CCNI: variants seen among roughly 807,000 people sequenced by gnomAD.
The protein encoded by CCNI is cyclin-I.
In CCNI, 14 loss-of-function variants were observed where a neutral mutation model predicts 34.1. The ratio of observed to expected loss-of-function variants is 0.41; its 90% CI spans 0.27 to 0.64. The LOEUF (loss-of-function observed/expected upper bound fraction) is 0.64. Among genes scored for constraint, CCNI ranks in the 30% least tolerant of loss-of-function variants. The pLI, the probability that CCNI is intolerant of heterozygous loss-of-function variation, is 0.31. For synonymous variants in CCNI, 154 were observed against 158.4 expected, an observed-to-expected ratio of 0.97 and a Z score of 0.21; for missense variants, 385 against 440.5, an observed-to-expected ratio of 0.87 and a Z score of 1.13.
intron 1 of CCNI, among the ~76,000 whole-genome samples, chr4:77,071,947 G>A (rs1729495502): frequency 6.6e-6 from 1 of 152,082 alleles, no homozygotes; most frequent in Admixed American, 6.5e-5. Flanking sequence ...GGCTTCACTG[G>A]TTAATTCTAC....
intron 2 of CCNI, 119 bp from the exon 3 acceptor site, chr4:77,058,754 G>C (rs1176146087): frequency 5.0e-6 from 4 of 792,176 alleles, no homozygotes; most frequent in Non-Finnish European, 7.8e-6. Flanking sequence ...AAAATGTTAA[G>C]GTTATTCAAA....
intron 1 of CCNI, among the ~76,000 whole-genome samples, chr4:77,070,957 ACTC>A (rs1361881776): frequency 6.6e-6 from 1 of 152,074 alleles, no homozygotes; most frequent in African/African-American, 2.4e-5. Context: ...TTTCTTCCAA[ACTC>A]CTATTAAAAA....
intron 6 of CCNI, among the ~76,000 whole-genome samples, chr4:77,051,352 CATGGCAGAATCAATACT>C (rs1448263079): frequency 6.6e-6 from 1 of 152,104 alleles, no homozygotes; most frequent in African/African-American, 2.4e-5. Flanking sequence ...TAATAAATGC[CATGGCAGAATCAATACT>C]ATGGCAGAAT....
intron 6 of CCNI, among the ~76,000 whole-genome samples, chr4:77,052,113 CCT>C (rs1003575906): frequency 4.6e-5 from 7 of 151,476 alleles, no homozygotes; most frequent in African/African-American, 1.7e-4. Context: ...CCCTTGCTCC[CCT>C]CCCTCCCTCC....
At chr4:77,061,872 T>C (rs931606056) in intron 2 of CCNI, among the ~76,000 whole-genome samples, 6 of 152,132 alleles carry the variant, frequency 3.9e-5, no homozygotes, top group Non-Finnish European at 5.9e-5. Flanking sequence ...GGTTTCACCA[T>C]GTTAGCCAGG....
In CCNI at chr4:77,075,480, C is replaced by G; in HGVS notation, c.-52G>C. The G allele has an allele frequency of 1.1e-6, 1 of 932,262 alleles. No individual in the cohort carries two copies. Among genetic ancestry groups the G allele is most frequent in the Non-Finnish European group, 1.3e-6 (1 of 781,386 alleles). 57.7% of individuals were successfully genotyped at this position (932,262 alleles called of 1,614,324 possible). A position where few individuals can be genotyped will look rare whatever the true frequency, so the allele number is the denominator to read the frequency against. ...CCGCCCCCGCCCCTCACCTTCTCCT[C>G]CTCTTCCTCCTCCTCCTCCTCCCCG... On this transcript the variant is annotated 5_prime_UTR_variant, in exon 1 of 7. Transcript: ENST00000237654.
chr4:77,053,832 ATAT>A (rs1178444680), intron 6 of CCNI, among the ~76,000 whole-genome samples: 4 of 152,176 alleles, frequency 2.6e-5, no homozygotes, highest in African/African-American at 9.7e-5. Context: ...TTTCTGTGTC[ATAT>A]TATTCATTTA....
intron 2 of CCNI, among the ~76,000 whole-genome samples, chr4:77,059,544 A>T (rs1728462729): frequency 6.6e-6 from 1 of 151,584 alleles, no homozygotes. Context: ...CCTGTTCAAT[A>T]TTTTTTTTCA....
In CCNI at chr4:77,055,318, T is replaced by G. The variant is rs748987512; in HGVS notation, c.522A>C (p.Pro174=). ...QLLFSLPKLS[P]SQHLAVLTKQ... is the part of the protein sequence containing the mutation. The stretch of plus-strand genomic sequence containing the variant: ...TGGTAAGGACTGCCAAATGTTGAGA[T>G]GGGCTCAATTTGGGCAAACTGAAAA... The change falls in exon 6 of 7, where the codon CCA becomes CCC. Residue 174 remains proline, a synonymous_variant. Coordinates refer to ENST00000237654, the MANE Select transcript of CCNI (RefSeq NM_006835.3). The G allele has an allele frequency of 2.5e-6, 4 of 1,614,228 alleles. No homozygotes were observed. The highest frequency in any genetic ancestry group is 2.2e-5 in the South Asian group (2 of 91,092).
chr4:77,074,125 C>A (rs1729711851), intron 1 of CCNI, among the ~76,000 whole-genome samples: 4 of 152,150 alleles, frequency 2.6e-5, no homozygotes, highest in Admixed American at 2.0e-4. Flanking sequence ...AAACAAAACA[C>A]GGACACACTC....
chr4:77,061,210 G>T (rs923478665), intron 2 of CCNI, among the ~76,000 whole-genome samples: 1 of 152,202 alleles, frequency 6.6e-6, no homozygotes, highest in Admixed American at 6.5e-5. Flanking sequence ...GTAATACTGA[G>T]TCTAAGGTCA....
At chr4:77,056,497 G>T (rs781383785) in intron 3 of CCNI, 174 bp from the exon 4 acceptor site, 4 of 552,090 alleles carry the variant, frequency 7.2e-6, no homozygotes, top group Non-Finnish European at 1.3e-5. Context: ...CTAACTTTAA[G>T]AACAGGAAAG....
intron 1 of CCNI, 62 bp downstream of exon 1, chr4:77,075,410 C>A: frequency 2.8e-6 from 2 of 720,642 alleles, no homozygotes; most frequent in Non-Finnish European, 3.4e-6. Context: ...CAGCGGGGCC[C>A]CAGCGCGTCG....
At position 77,075,509 on chromosome 4, in the gene CCNI, G is replaced by C; in HGVS notation, c.-81C>G. 1 of 987,416 alleles carries C rather than the reference G, an allele frequency of 1.0e-6. No individual in the cohort carries two copies. The highest frequency in any genetic ancestry group is 1.2e-6 in the Non-Finnish European group (1 of 829,942). 61.2% of individuals were successfully genotyped at this position (987,416 alleles called of 1,614,324 possible). ...TTCCTCCTCCTCCTCCTCCCCGGCAGAGCTGTAGGCCTCACAGTGGTGACG... is the reference window on the plus strand; with the variant it reads ...TTCCTCCTCCTCCTCCTCCCCGGCACAGCTGTAGGCCTCACAGTGGTGACG... On this transcript the variant is annotated 5_prime_UTR_variant, in exon 1 of 7. Transcript: ENST00000237654.
chr4:77,058,547 A>C lies in CCNI; in HGVS notation c.203T>G (p.Leu68Arg). 6.2e-7 allele frequency: 1 copy of C among 1,613,790 alleles called. No individual in the cohort carries two copies. The highest frequency in any genetic ancestry group is 8.5e-7 in the Non-Finnish European group (1 of 1,179,742). Residue 68 changes from leucine to arginine, a missense_variant, in exon 3 of 7, where the codon CTG (leucine) becomes CGG (arginine). Physicochemically the swap from Leu to Arg is moderately radical, Grantham distance 102. This residue lies in a region of CCNI where 135 missense variants were observed against 191.8 expected (regional missense o/e 0.70). Coordinates refer to ENST00000237654, the MANE Select transcript of CCNI (RefSeq NM_006835.3). ...AAACCTATCCAAAAGACTGCTAGCCAGAGCAAATGTTTCTGGGTAAAGGTT... is the reference window on the plus strand; with the variant it reads ...AAACCTATCCAAAAGACTGCTAGCCCGAGCAAATGTTTCTGGGTAAAGGTT... ...QFNLYPETFA[L>R]ASSLLDRFLA...
At chr4:77,054,427 A>G (rs1728072756) in intron 6 of CCNI, among the ~76,000 whole-genome samples, 1 of 152,214 alleles carries the variant, frequency 6.6e-6, no homozygotes, top group African/African-American at 2.4e-5. Context: ...GGTGGCAGGA[A>G]AATGGTCTGC....
chr4:77,057,746 G>C (rs4252877), intron 3 of CCNI, among the ~76,000 whole-genome samples: 4,586 of 152,208 alleles, frequency 0.03, 223 homozygotes, highest in African/African-American at 0.1. Context: ...GTTGCTTTAT[G>C]ACATCTTGTT....
intron 3 of CCNI, among the ~76,000 whole-genome samples, chr4:77,057,045 T>C (rs2109806199): frequency 6.6e-6 from 1 of 152,328 alleles, no homozygotes; most frequent in South Asian, 2.1e-4. Flanking sequence ...TAATAAATAA[T>C]ATTCCCAAAA....
In CCNI at chr4:77,048,578, C is replaced by T. The variant is rs780304847; in HGVS notation, c.775G>A (p.Val259Ile). 9.9e-6 allele frequency: 16 copies of T among 1,610,578 alleles called. No homozygotes were observed. The highest frequency in any genetic ancestry group is 7.7e-5 in the South Asian group (7 of 90,788). The change falls in exon 7 of 7, where the codon GTT becomes ATT. Residue 259 changes from valine to isoleucine, a missense_variant. Physicochemically the swap from Val to Ile is conservative, Grantham distance 29 (BLOSUM62 3). Around this residue, in one of 2 missense-constraint regions of CCNI, gnomAD observed 250 missense variants for 248.7 expected, o/e 1.01. Coordinates refer to ENST00000237654, the MANE Select transcript of CCNI (RefSeq NM_006835.3). Reference protein sequence around the residue: ...TLQSSLPLNSVYVYRPLKHTL... With the variant: ...TLQSSLPLNSIYVYRPLKHTL... ...TGCTTGAGGGGACGGTAGACATAAA[C>T]GGAATTCAGAGGCAGGGAAGACTGC...
Sources: gnomAD v4.1 joint callset for allele counts (sites outside exome capture counted in the v4.1 genomes callset) on GRCh38, gnomAD v4.1.1 for gene constraint, gnomAD v4.1.1 regional missense constraint, MANE v1.5 for transcripts, NCBI Gene and HGNC (gene_info 2026-07-23, HGNC 2026-07-21) for gene names.